The following NCKAP5 variants were observed in gnomAD, a reference collection of about 807,000 sequenced individuals.
The protein encoded by NCKAP5 is nck-associated protein 5.
In NCKAP5, 92 loss-of-function variants were observed where a neutral mutation model predicts 167.0. The ratio of observed to expected loss-of-function variants is 0.55; its 90% CI spans 0.47 to 0.66. The LOEUF (loss-of-function observed/expected upper bound fraction) is 0.66. Ranked by LOEUF, NCKAP5 falls within the 30% of genes least tolerant of loss-of-function variation. NCKAP5 has a pLI of 0.00. For synonymous variants in NCKAP5, 891 were observed against 877.4 expected (o/e 1.02, Z -0.27); for missense variants, 2,378 against 2,315.0 (o/e 1.03, Z -0.56).
intron 19 of NCKAP5, among the ~76,000 whole-genome samples, chr2:132,700,930 C>CGGGGGG (rs67190492): frequency 1.8e-5 from 2 of 113,168 alleles, no homozygotes; most frequent in African/African-American, 7.5e-5. Context: ...ATCCCCTGGG[C>CGGGGGG]GGGGGGGGGG....
intron 16 of NCKAP5, among the ~76,000 whole-genome samples, 181 bp downstream of exon 16, chr2:132,773,635 G>A (rs1682286028): frequency 6.6e-6 from 1 of 152,158 alleles, no homozygotes; most frequent in Admixed American, 6.5e-5. Context: ...CATAGGTGCT[G>A]CTTTGACCCA....
the NCKAP5 span, among the ~76,000 whole-genome samples, chr2:133,593,942 G>A: frequency 6.6e-6 from 1 of 152,156 alleles, no homozygotes. Flanking sequence ...CTCTAGGCAG[G>A]TCCCCTCCGA....
chr2:132,877,304 C>A (rs894546215), intron 9 of NCKAP5, among the ~76,000 whole-genome samples: 1 of 152,110 alleles, frequency 6.6e-6, no homozygotes, highest in Non-Finnish European at 1.5e-5. Context: ...GCTTGAGTAA[C>A]CAGTGTATGT....
At chr2:132,815,779 G>A (rs1686222587) in intron 11 of NCKAP5, among the ~76,000 whole-genome samples, 1 of 152,218 alleles carries the variant, frequency 6.6e-6, no homozygotes, top group Non-Finnish European at 1.5e-5. Context: ...TCCACACGCT[G>A]TGGTTAATGT....
At chr2:133,083,947 T>G (rs113518098) in intron 6 of NCKAP5, among the ~76,000 whole-genome samples, 30 of 152,140 alleles carry the variant, frequency 2.0e-4, no homozygotes, top group African/African-American at 7.2e-4. Context: ...ACAACTCTGG[T>G]GAGTTCAGAG....
chr2:133,482,656 T>C (rs778500734), intron 3 of NCKAP5, among the ~76,000 whole-genome samples: 2 of 152,248 alleles, frequency 1.3e-5, no homozygotes, highest in Non-Finnish European at 2.9e-5. Flanking sequence ...TGGGTAGATA[T>C]ACAGTTGTGA....
chr2:132,723,061 A>G (rs1434355091), intron 19 of NCKAP5, among the ~76,000 whole-genome samples: 2 of 151,680 alleles, frequency 1.3e-5, no homozygotes, highest in African/African-American at 2.4e-5. Context: ...TCCTGGCCTC[A>G]AGTTATTCTC....
chr2:132,924,507 T>C (rs1170514337), intron 8 of NCKAP5, among the ~76,000 whole-genome samples: 1 of 152,222 alleles, frequency 6.6e-6, no homozygotes, highest in Admixed American at 6.5e-5. Context: ...CCACTTTAAA[T>C]GCAGTATGTC....
chr2:133,465,108 C>A (rs968185106), intron 3 of NCKAP5, among the ~76,000 whole-genome samples: 4 of 151,306 alleles, frequency 2.6e-5, no homozygotes, highest in African/African-American at 7.3e-5. Context: ...GCTGTACCCA[C>A]TAACTCGTCA....
chr2:133,445,999 A>G (rs1303953373), intron 3 of NCKAP5, among the ~76,000 whole-genome samples: 1 of 152,186 alleles, frequency 6.6e-6, no homozygotes, highest in East Asian at 1.9e-4. Flanking sequence ...TCAAATGAAG[A>G]TAGAACGATT....
At chr2:133,217,128 T>C (rs1574410994) in intron 4 of NCKAP5, among the ~76,000 whole-genome samples, 2 of 152,236 alleles carry the variant, frequency 1.3e-5, no homozygotes, top group East Asian at 3.9e-4. Flanking sequence ...AAGAAGTCAC[T>C]ATAAGCAACG....
intron 3 of NCKAP5, among the ~76,000 whole-genome samples, chr2:133,322,680 A>T (rs1287588305): frequency 6.6e-6 from 1 of 152,166 alleles, no homozygotes; most frequent in Non-Finnish European, 1.5e-5. Flanking sequence ...TGCATTTGAG[A>T]ATCTATCCTG....
At chr2:133,051,686 G>A (rs2079612357) in intron 6 of NCKAP5, among the ~76,000 whole-genome samples, 1 of 152,168 alleles carries the variant, frequency 6.6e-6, no homozygotes, top group African/African-American at 2.4e-5. Flanking sequence ...CCAATGCACT[G>A]TGAATATTTA....
chr2:133,541,825 C>G (rs1467846999), intron 2 of NCKAP5, among the ~76,000 whole-genome samples: 1 of 151,802 alleles, frequency 6.6e-6, no homozygotes, highest in Non-Finnish European at 1.5e-5. Flanking sequence ...GGGCTGGGAG[C>G]TAGGCTGAGG....
At chr2:133,221,007 T>C (rs962976624) in intron 4 of NCKAP5, among the ~76,000 whole-genome samples, 2 of 152,156 alleles carry the variant, frequency 1.3e-5, no homozygotes, top group East Asian at 1.9e-4. Context: ...TACTCATTGT[T>C]AAGTCTCACG....
At chr2:132,705,799 C>G (rs1688304241) in intron 19 of NCKAP5, among the ~76,000 whole-genome samples, 1 of 152,152 alleles carries the variant, frequency 6.6e-6, no homozygotes, top group South Asian at 2.1e-4. Context: ...TCCAATACTC[C>G]CATTTTACAA....
intron 3 of NCKAP5, among the ~76,000 whole-genome samples, chr2:133,306,966 C>A (rs1302118838): frequency 1.3e-5 from 2 of 152,174 alleles, no homozygotes; most frequent in Non-Finnish European, 2.9e-5. Context: ...AAAATAAACA[C>A]CCATATCCAC....
chr2:133,471,040 C>T (rs1312084784), intron 3 of NCKAP5, among the ~76,000 whole-genome samples: 1 of 152,208 alleles, frequency 6.6e-6, no homozygotes, highest in South Asian at 2.1e-4. Flanking sequence ...TCCTCCCCCC[C>T]TGCTTTTGCT....
intron 3 of NCKAP5, among the ~76,000 whole-genome samples, chr2:133,511,849 G>T (rs1368649842): frequency 6.6e-6 from 1 of 152,220 alleles, no homozygotes; most frequent in Non-Finnish European, 1.5e-5. Flanking sequence ...ACAAAGATCA[G>T]GCTTCCCAGA....
Sources: gnomAD v4.1 joint callset for allele counts (sites outside exome capture counted in the v4.1 genomes callset) on GRCh38, gnomAD v4.1.1 for gene constraint, MANE v1.5 for transcripts, NCBI Gene and HGNC (gene_info 2026-07-23, HGNC 2026-07-21) for gene names.